The following HLA-DPA1 variants were observed in gnomAD, a reference collection of about 807,000 sequenced individuals.
HLA-DPA1 encodes the protein HLA class II histocompatibility antigen, DP alpha 1 chain.
HLA-DPA1 carries 20 observed loss-of-function variants against 21.5 expected under a neutral mutation model. The ratio of observed to expected loss-of-function variants is 0.93; its 90% CI spans 0.66 to 1.35. The LOEUF (loss-of-function observed/expected upper bound fraction) is 1.35. HLA-DPA1 is among the 40% of genes most tolerant of loss of function. The probability of loss-of-function intolerance (pLI) is 0.00; values close to 1 mark genes in which losing one functional copy is unlikely to be tolerated. For synonymous variants in HLA-DPA1, 123 were observed against 129.6 expected (o/e 0.95, Z 0.35); for missense variants, 279 against 323.0 (o/e 0.86, Z 1.05).
chr6:33,073,812 C>T lies in HLA-DPA1; in HGVS notation c.-99-143G>A, dbSNP rs2051548. ...GGAGAATTTTAGGTACCAGCGTGGT[C>T]AAGAGAGCTCCAGTTCACAGTTCAT... On this transcript the variant is annotated intron_variant, in intron 1 of 5. Coordinates refer to ENST00000419277, the Ensembl canonical transcript of HLA-DPA1. 0.017 allele frequency: 8,220 copies of T among 485,040 alleles called. 744 individuals are homozygous for T. In the Admixed American group the frequency reaches 0.2, roughly 12 times the overall value. The allele number at this position is 485,040 out of a possible 1,614,324, so 30.0% of individuals were successfully genotyped here. A position where few individuals can be genotyped will look rare whatever the true frequency, so the allele number is the denominator to read the frequency against.
In HLA-DPA1 at chr6:33,068,819, A is replaced by T; in HGVS notation, c.629-15T>A. On this transcript the variant is annotated splice_polypyrimidine_tract_variant and intron_variant, in intron 4 of 5. Transcript: ENST00000419277. Reference sequence around the variant, plus strand: ...CTCTTGGGCCTCTGGGGGAAGAATGAAGAGATAGGGTCAGGAGGTGCAGTG... The same window carrying T: ...CTCTTGGGCCTCTGGGGGAAGAATGTAGAGATAGGGTCAGGAGGTGCAGTG... 1 of 1,612,328 alleles carries T rather than the reference A, an allele frequency of 6.2e-7. No homozygotes were observed. The highest frequency in any genetic ancestry group is 8.5e-7 in the Non-Finnish European group (1 of 1,179,514).
At chr6:33,069,922 G>A in intron 2 of HLA-DPA1, 36 bp from the exon 2 acceptor site, 1 of 1,588,420 alleles carries the variant, frequency 6.3e-7, no homozygotes, top group Non-Finnish European at 8.6e-7. Flanking sequence ...ACGACAAAAT[G>A]TCAGTTTGAA....
Position 33,080,480 on chromosome 6 carries a change from G to A in HLA-DPA1, c.-100+200C>T. 1.3e-6 allele frequency: 1 copy of A among 778,526 alleles called. No individual in the cohort carries two copies. Among genetic ancestry groups the A allele is most frequent in the Non-Finnish European group, 2.3e-6 (1 of 443,754 alleles). 48.2% of individuals were successfully genotyped at this position (778,526 alleles called of 1,614,324 possible). On this transcript the variant is annotated intron_variant, in intron 1 of 5. Transcript: ENST00000419277. The surrounding 1 kb of genome is among the most constrained non-coding windows in gnomAD (Gnocchi z 4.3). ...TTTTCAGTAAATTCTCTCTCTGCGT[G>A]GTGAGAAAACAGGCCTGGAGAGGCT...
At chr6:33,074,286 A>C (rs1284910906) in intron 1 of HLA-DPA1, among the ~76,000 whole-genome samples, 1 of 152,188 alleles carries the variant, frequency 6.6e-6, no homozygotes, top group Admixed American at 6.5e-5. Flanking sequence ...GTATTTAAAC[A>C]GTGTAATAAC....
At chr6:33,075,962 T>C in intron 1 of HLA-DPA1, 1 of 1,080,210 alleles carries the variant, frequency 9.3e-7, no homozygotes, top group Non-Finnish European at 1.4e-6. Context: ...GTCTCTAATA[T>C]TTCAAACAGG....
intron 2 of HLA-DPA1, among the ~76,000 whole-genome samples, chr6:33,070,632 G>C (rs1762231528): frequency 6.6e-6 from 1 of 152,036 alleles, no homozygotes; most frequent in Non-Finnish European, 1.5e-5. Context: ...TTTTCATTTG[G>C]GGCATATAAA....
chr6:33,080,657 G>A lies in HLA-DPA1; in HGVS notation c.-100+23C>T, dbSNP rs771502887. The A allele has an allele frequency of 4.3e-6, 7 of 1,612,002 alleles. No individual in the cohort carries two copies. Among genetic ancestry groups the A allele is most frequent in the Non-Finnish European group, 5.9e-6 (7 of 1,179,084 alleles). On this transcript the variant is annotated intron_variant, in intron 1 of 5. Coordinates refer to ENST00000419277, the Ensembl canonical transcript of HLA-DPA1. The surrounding 1 kb of genome is among the most constrained non-coding windows in gnomAD (Gnocchi z 4.3). The stretch of plus-strand genomic sequence containing the variant: ...GAGAGTGGCGCCTCCGCTCATGTCC[G>A]CCCCCTCCCCGCAGAGAATTACCTT...
intron 2 of HLA-DPA1, among the ~76,000 whole-genome samples, chr6:33,072,791 A>G (rs918082561): frequency 1.3e-5 from 2 of 152,208 alleles, no homozygotes; most frequent in African/African-American, 2.4e-5. Context: ...TGCAGCTATC[A>G]AAAGTCTAGG....
intron 1 of HLA-DPA1, chr6:33,075,841 A>G: frequency 1.8e-6 from 1 of 566,070 alleles, no homozygotes; most frequent in South Asian, 2.4e-5. Flanking sequence ...CAGACCTTTC[A>G]TACTAACTTT....
chr6:33,079,011 T>C (rs1670724282), intron 1 of HLA-DPA1, among the ~76,000 whole-genome samples: 1 of 152,128 alleles, frequency 6.6e-6, no homozygotes, highest in African/African-American at 2.4e-5. Flanking sequence ...GGTCAGGATA[T>C]CTGAGTCAAG....
At chr6:33,072,936 AGG>A (rs1318592085) in intron 2 of HLA-DPA1, among the ~76,000 whole-genome samples, 1 of 152,154 alleles carries the variant, frequency 6.6e-6, no homozygotes, top group Non-Finnish European at 1.5e-5. Flanking sequence ...CCTAGAAGAG[AGG>A]GAGGATACAG....
chr6:33,080,466 TTCTC>T lies in HLA-DPA1; in HGVS notation c.-100+210_-100+213del, dbSNP rs998977153. 7 of 755,582 alleles carry T rather than the reference TTCTC, an allele frequency of 9.3e-6. No individual in the cohort carries two copies. Among genetic ancestry groups the T allele is most frequent in the Admixed American group, 4.0e-5 (2 of 49,822 alleles). 46.8% of individuals were successfully genotyped at this position (755,582 alleles called of 1,614,324 possible). Reference sequence around the variant, plus strand: ...CCCTGAGCTCATTCTTTTCAGTAAATTCTCTCTCTGCGTGGTGAGAAAACAGGCC... The same window carrying T: ...CCCTGAGCTCATTCTTTTCAGTAAATTCTCTGCGTGGTGAGAAAACAGGCC... On this transcript the variant is annotated intron_variant, in intron 1 of 5. Coordinates refer to ENST00000419277, the Ensembl canonical transcript of HLA-DPA1. This position sits in a 1 kb window ranked among gnomAD's most constrained non-coding sequence, Gnocchi z 4.3.
chr6:33,079,642 C>G (rs1434504430), intron 1 of HLA-DPA1: 2 of 469,948 alleles, frequency 4.3e-6, no homozygotes, highest in Admixed American at 2.4e-5. Flanking sequence ...GGAGCAACAA[C>G]AACAACAAAA....
intron 5 of HLA-DPA1, chr6:33,066,676 G>A (rs1195270108): frequency 2.6e-5 from 4 of 152,188 alleles, no homozygotes; most frequent in Non-Finnish European, 5.9e-5. Context: ...AAACTGACAA[G>A]GGACTACTAG....
intron 1 of HLA-DPA1, chr6:33,079,504 C>A: frequency 3.1e-6 from 1 of 326,652 alleles, no homozygotes; most frequent in Non-Finnish European, 6.0e-6. Context: ...AGAGGACCAA[C>A]AAGTTCATGA....
intron 1 of HLA-DPA1, chr6:33,076,231 G>A: frequency 1.2e-6 from 1 of 849,342 alleles, no homozygotes; most frequent in East Asian, 2.7e-5. Flanking sequence ...TCTGAGACAG[G>A]CTGCGGGGGC....
chr6:33,069,361 T>C, intron 3 of HLA-DPA1, 61 bp from the exon 3 acceptor site: 1 of 1,512,100 alleles, frequency 6.6e-7, no homozygotes, highest in Non-Finnish European at 9.0e-7. Flanking sequence ...AGGCTCCACC[T>C]CTTAGGGGAG....
chr6:33,078,965 T>C (rs2856821), intron 1 of HLA-DPA1, among the ~76,000 whole-genome samples: 32,174 of 151,996 alleles, frequency 0.21, 3,399 homozygotes, highest in South Asian at 0.25. Flanking sequence ...CCTGGAATTT[T>C]AGGGTCTGGG....
At chr6:33,076,532 T>C (rs1044612482) in intron 1 of HLA-DPA1, among the ~76,000 whole-genome samples, 6 of 152,184 alleles carry the variant, frequency 3.9e-5, no homozygotes, top group Non-Finnish European at 7.4e-5. Context: ...AGCTGGAGTG[T>C]CCAGGCTCTG....
Sources: allele counts gnomAD v4.1 joint callset (sites outside exome capture counted in the v4.1 genomes callset), GRCh38; gene constraint gnomAD v4.1.1; non-coding constraint Gnocchi (gnomAD v3.1); transcripts MANE v1.5; gene names NCBI Gene and HGNC (gene_info 2026-07-23, HGNC 2026-07-21).